The following USP10 variants were observed in gnomAD, a reference collection of about 807,000 sequenced individuals.
The protein encoded by USP10 is ubiquitin carboxyl-terminal hydrolase 10.
USP10 carries 22 observed loss-of-function variants against 84.5 expected under a neutral mutation model. The observed-to-expected ratio is 0.26, with a 90% CI of 0.19 to 0.37. The LOEUF is 0.37. Among genes scored for constraint, USP10 ranks in the 10% least tolerant of loss-of-function variants. The pLI, the probability that USP10 is intolerant of heterozygous loss-of-function variation, is 1.00. For synonymous variants in USP10, 454 were observed against 387.6 expected, an observed-to-expected ratio of 1.17 and a Z score of -2.01; for missense variants, 1,019 against 998.9, an observed-to-expected ratio of 1.02 and a Z score of -0.27.
Position 84,745,298 on chromosome 16 carries a change from T to C in USP10, c.817T>C (p.Cys273Arg). 6.2e-7 allele frequency: 1 copy of C among 1,613,212 alleles called. No individual in the cohort carries two copies. Among genetic ancestry groups the C allele is most frequent in the Non-Finnish European group, 8.5e-7 (1 of 1,179,722 alleles). ...GTCAAGGACAGCTGGGGCTCAGCCC[T>C]GCGTTGGTACCGATACTACTGAAAA... Reference protein sequence around the residue: ...TLSRTAGAQPCVGTDTTENLG... With the variant: ...TLSRTAGAQPRVGTDTTENLG... The change falls in exon 4 of 14, where the codon TGC becomes CGC. Residue 273 changes from cysteine (C) to arginine (R), a missense_variant. This residue lies in a region of USP10 where 787 missense variants were observed against 708.8 expected (regional missense o/e 1.11). Transcript: ENST00000219473.
chr16:84,766,578 C>A (rs1026449045), intron 10 of USP10, among the ~76,000 whole-genome samples: 4 of 152,188 alleles, frequency 2.6e-5, no homozygotes, highest in African/African-American at 9.7e-5. Context: ...GCATCGGGAA[C>A]ATGGTTTTTG....
intron 10 of USP10, among the ~76,000 whole-genome samples, chr16:84,764,862 G>A (rs566385596): frequency 6.7e-6 from 1 of 148,482 alleles, no homozygotes; most frequent in African/African-American, 2.5e-5. Flanking sequence ...ACAGGAGAAT[G>A]TCATCATGAC....
intron 1 of USP10, among the ~76,000 whole-genome samples, chr16:84,701,823 A>G (rs1391372571): frequency 3.9e-5 from 6 of 152,190 alleles, no homozygotes; most frequent in African/African-American, 1.4e-4. Context: ...GGCGGAACGT[A>G]AATGTTAGCA....
At chr16:84,707,056 A>G (rs953322544) in intron 1 of USP10, among the ~76,000 whole-genome samples, 2 of 152,338 alleles carry the variant, frequency 1.3e-5, no homozygotes, top group East Asian at 3.9e-4. Context: ...CATTTTACAG[A>G]TGAGTAAGAT....
At chr16:84,771,429 A>G (rs1914438357) in intron 11 of USP10, among the ~76,000 whole-genome samples, 1 of 152,226 alleles carries the variant, frequency 6.6e-6, no homozygotes, top group African/African-American at 2.4e-5. Flanking sequence ...CAGGAAGTCA[A>G]GGCTGCAGTG....
chr16:84,744,319 AC>A (rs1227309828), intron 3 of USP10, among the ~76,000 whole-genome samples: 1 of 152,088 alleles, frequency 6.6e-6, no homozygotes, highest in Non-Finnish European at 1.5e-5. Context: ...GTCAGATTCC[AC>A]TGGGGGGTAT....
At chr16:84,766,740 A>G (rs915110220) in intron 10 of USP10, among the ~76,000 whole-genome samples, 1 of 152,198 alleles carries the variant, frequency 6.6e-6, no homozygotes. Flanking sequence ...GCTGCTAGCC[A>G]CATCCTCTGA....
At chr16:84,726,806 ACTTTGCTCCCCCGAATCG>A (rs1258648625) in intron 1 of USP10, among the ~76,000 whole-genome samples, 1 of 152,174 alleles carries the variant, frequency 6.6e-6, no homozygotes, top group Non-Finnish European at 1.5e-5. Context: ...AAGCCCTTGT[ACTTTGCTCCCCCGAATCG>A]CAGGCATTTC....
intron 4 of USP10, among the ~76,000 whole-genome samples, chr16:84,749,088 G>A (rs186413462): frequency 1.2e-3 from 177 of 143,478 alleles, no homozygotes; most frequent in Non-Finnish European, 2.1e-3. Context: ...TCGTGAGATA[G>A]TAGAGCAATA....
intron 8 of USP10, among the ~76,000 whole-genome samples, chr16:84,761,147 C>T (rs73245649): frequency 0.11 from 16,676 of 152,058 alleles, 1,215 homozygotes; most frequent in African/African-American, 0.21. Flanking sequence ...GAATGAAGTG[C>T]GCCCTCTGCC....
Position 84,700,055 on chromosome 16 carries a change from C to A in USP10, c.-36C>A, listed in dbSNP as rs771119942. 2.2e-6 allele frequency: 3 copies of A among 1,364,798 alleles called. No individual in the cohort carries two copies. The highest frequency in any genetic ancestry group is 3.1e-5 in the African/African-American group (2 of 64,714). The allele number at this position is 1,364,798 out of a possible 1,614,324, so 84.5% of individuals were successfully genotyped here. A position where few individuals can be genotyped will look rare whatever the true frequency, so the allele number is the denominator to read the frequency against. On this transcript the variant is annotated 5_prime_UTR_variant, in exon 1 of 14. Transcript: ENST00000219473. Reference sequence around the variant, plus strand: ...GCGGCGGGGGAAGCAGCGTGAGCAGCCGGAGGATCGCGGAGTCCCAATGAA... The same window carrying A: ...GCGGCGGGGGAAGCAGCGTGAGCAGACGGAGGATCGCGGAGTCCCAATGAA...
At chr16:84,727,655 C>T (rs1488746829) in intron 1 of USP10, among the ~76,000 whole-genome samples, 1 of 152,210 alleles carries the variant, frequency 6.6e-6, no homozygotes, top group Non-Finnish European at 1.5e-5. Flanking sequence ...AATACACACT[C>T]ATACGGATAC....
At chr16:84,754,955 A>G (rs554727798) in intron 4 of USP10, among the ~76,000 whole-genome samples, 129 of 151,020 alleles carry the variant, frequency 8.5e-4, no homozygotes, top group African/African-American at 3.0e-3. Context: ...AGCCTGGCCA[A>G]TGTGGCAAAA....
At chr16:84,723,774 A>G (rs74580832) in intron 1 of USP10, among the ~76,000 whole-genome samples, 2,158 of 152,328 alleles carry the variant, frequency 0.014, 44 homozygotes, top group African/African-American at 0.049. Context: ...TTTAAAGTGT[A>G]TATTTCCATG....
At chr16:84,754,741 A>G (rs563116633) in intron 4 of USP10, among the ~76,000 whole-genome samples, 66 of 152,330 alleles carry the variant, frequency 4.3e-4, no homozygotes, top group African/African-American at 1.4e-3. Flanking sequence ...AAATGCTGGG[A>G]AAAAAGTCGG....
At chr16:84,776,370 A>G (rs750764597) in intron 13 of USP10, among the ~76,000 whole-genome samples, 1 of 152,104 alleles carries the variant, frequency 6.6e-6, no homozygotes, top group Non-Finnish European at 1.5e-5. Context: ...GCAAGGTGCC[A>G]GGCTTCCCTC....
Position 84,700,078 on chromosome 16 carries a change from GA to G in USP10, c.-10del. 1.5e-6 allele frequency: 2 copies of G among 1,374,780 alleles called. No homozygotes were observed. Among genetic ancestry groups the G allele is most frequent in the Non-Finnish European group, 1.9e-6 (2 of 1,044,254 alleles). The allele number at this position is 1,374,780 out of a possible 1,614,324, so 85.2% of individuals were successfully genotyped here. ...AGCCGGAGGATCGCGGAGTCCCAAT[GA>G]AACGGGCAGCCATGGCCCTCCACAG... On this transcript the variant is annotated 5_prime_UTR_variant, in exon 1 of 14. Transcript: ENST00000219473.
chr16:84,778,257 A>G (rs549773840), intron 13 of USP10, among the ~76,000 whole-genome samples: 1 of 152,232 alleles, frequency 6.6e-6, no homozygotes, highest in African/African-American at 2.4e-5. Context: ...CCCTCCTGCC[A>G]TGTGGGCCGG....
intron 1 of USP10, among the ~76,000 whole-genome samples, chr16:84,724,106 T>C (rs563872986): frequency 5.3e-5 from 8 of 152,366 alleles, no homozygotes; most frequent in Non-Finnish European, 1.2e-4. Context: ...ATAGCAATTT[T>C]ACACAGGAAG....
Sources: allele counts gnomAD v4.1 joint callset (sites outside exome capture counted in the v4.1 genomes callset), GRCh38; gene constraint gnomAD v4.1.1; regional missense constraint gnomAD v4.1.1; transcripts MANE v1.5; gene names NCBI Gene and HGNC (gene_info 2026-07-23, HGNC 2026-07-21).